The following CCDC33 variants were observed in gnomAD, a reference collection of about 807,000 sequenced individuals.
The protein encoded by CCDC33 is coiled-coil domain-containing protein 33.
A neutral mutation model predicts 91.9 loss-of-function variants in CCDC33; 94 were observed. That is an observed-to-expected ratio of 1.02 (90% confidence interval 0.87 to 1.21). CCDC33 has a LOEUF of 1.21. Ranked by LOEUF, CCDC33 falls within the 50% of genes most tolerant of loss-of-function variation. CCDC33 has a pLI of 0.00. For missense variants in CCDC33, 940 were observed against 935.5 expected (o/e 1.00, Z -0.06); for synonymous variants, 396 against 374.5 (o/e 1.06, Z -0.66).
intron 11 of CCDC33, among the ~76,000 whole-genome samples, chr15:74,320,604 G>A (rs1265009769): frequency 6.6e-6 from 1 of 152,146 alleles, no homozygotes; most frequent in Non-Finnish European, 1.5e-5. Context: ...ATGGGGTTTG[G>A]GAAGCTGGGG....
At chr15:74,203,835 A>G (rs1595866807) in intron 1 of CCDC33, among the ~76,000 whole-genome samples, 3 of 152,202 alleles carry the variant, frequency 2.0e-5, no homozygotes, top group Admixed American at 2.0e-4. Flanking sequence ...TTCCTGAAGA[A>G]AAGAACCTTT....
Position 74,336,087 on chromosome 15 carries a change from G to A in CCDC33, c.*34G>A, listed in dbSNP as rs2060562201. The A allele has an allele frequency of 1.2e-6, 2 of 1,607,038 alleles. No individual in the cohort carries two copies. Among genetic ancestry groups the A allele is most frequent in the Non-Finnish European group, 1.7e-6 (2 of 1,176,572 alleles). On this transcript the variant is annotated 3_prime_UTR_variant, in exon 19 of 19. Transcript: ENST00000398814. ...GCAGGCCTCCTTCCCTGTGTGCTGG[G>A]GAGTCTCATCACCGCCCCCTAAAAA...
exon 2 of CCDC33, chr15:74,209,392 C>T (rs765756437): frequency 6.5e-7 from 1 of 1,535,634 alleles, no homozygotes; most frequent in South Asian, 1.2e-5. Context: ...TCCCAGGGGG[C>T]CACTGCCTGA....
intron 2 of CCDC33, among the ~76,000 whole-genome samples, chr15:74,245,690 G>A (rs558367554): frequency 9.9e-5 from 15 of 152,080 alleles, no homozygotes; most frequent in African/African-American, 3.4e-4. Context: ...GTGGGGGTTC[G>A]GAGAGCCGGG....
chr15:74,320,098 C>G (rs1376945865), intron 11 of CCDC33, among the ~76,000 whole-genome samples: 2 of 152,106 alleles, frequency 1.3e-5, no homozygotes, highest in Admixed American at 1.3e-4. Context: ...AGATGACATT[C>G]GAGGGGAACC....
Position 74,320,113 on chromosome 15 carries a change from G to A in CCDC33, c.1291-10076G>A, listed in dbSNP as rs182826223. ...AGATGACATTCGAGGGGAACCAGGA[G>A]CAGAGACCTGGGGTGAGCAGGGCCC... On this transcript the variant is annotated intron_variant, in intron 11 of 18. Transcript: ENST00000398814. Among the ~76,000 whole-genome samples, 11 of 152,294 alleles carry A rather than the reference G, an allele frequency of 7.2e-5. No individual in the cohort carries two copies. The East Asian group carries it at 1.9e-3, about 27-fold the overall frequency.
At chr15:74,330,820 T>G (rs2060417078) in intron 13 of CCDC33, 69 bp downstream of exon 13, 1 of 1,533,466 alleles carries the variant, frequency 6.5e-7, no homozygotes, top group African/African-American at 1.4e-5. Flanking sequence ...GAGAAGAGTC[T>G]GGGAGGAGAA....
At chr15:74,224,201 C>T (rs554555032) in intron 2 of CCDC33, among the ~76,000 whole-genome samples, 1 of 152,214 alleles carries the variant, frequency 6.6e-6, no homozygotes, top group Admixed American at 6.5e-5. Flanking sequence ...GGGGCACTTC[C>T]AGCCCCCACT....
intron 2 of CCDC33, among the ~76,000 whole-genome samples, chr15:74,222,076 T>A (rs2074613865): frequency 6.6e-6 from 1 of 152,046 alleles, no homozygotes; most frequent in Non-Finnish European, 1.5e-5. Context: ...CGGCTGGACA[T>A]TTTTAGGGGA....
In CCDC33 at chr15:74,332,803, C is replaced by T. The variant is rs1231137190; in HGVS notation, c.1896C>T (p.Arg632=). Residue 632 remains arginine (R), a synonymous_variant, in exon 16 of 19, where the codon CGC becomes CGT. Coordinates refer to ENST00000398814, the MANE Select transcript of CCDC33 (RefSeq NM_025055.5). ...TGCGGACGGAGCTGGATAAGAACCG[C>T]CACCAGCAGGCCCCCATCATTCTGC... ...AKLRTELDKN[R]HQQAPIILQQ... The T allele has an allele frequency of 3.7e-6, 6 of 1,614,182 alleles. No homozygotes were observed. The highest frequency in any genetic ancestry group is 4.2e-6 in the Non-Finnish European group (5 of 1,180,016).
intron 2 of CCDC33, among the ~76,000 whole-genome samples, chr15:74,262,122 C>T (rs1022472778): frequency 1.3e-5 from 2 of 152,164 alleles, no homozygotes; most frequent in African/African-American, 2.4e-5. Flanking sequence ...GAGAGCCCTC[C>T]CTGGCAAGGG....
At chr15:74,210,251 A>T (rs1304221948) in intron 2 of CCDC33, among the ~76,000 whole-genome samples, 5 of 152,242 alleles carry the variant, frequency 3.3e-5, no homozygotes, top group Non-Finnish European at 7.3e-5. Flanking sequence ...AAAATTCCCA[A>T]GGCCGTTTGT....
At chr15:74,336,465 T>C, downstream of CCDC33, 2 of 1,258,032 alleles carry the variant, frequency 1.6e-6, no homozygotes, top group Non-Finnish European at 1.0e-6. Flanking sequence ...TGATATTCCT[T>C]CTTTCAAGTT....
intron 11 of CCDC33, among the ~76,000 whole-genome samples, chr15:74,321,046 C>T (rs1034311779): frequency 1.1e-4 from 16 of 152,036 alleles, no homozygotes; most frequent in Admixed American, 6.6e-5. Flanking sequence ...GCCCCAACCC[C>T]TGGGAAAACA....
intron 10 of CCDC33, among the ~76,000 whole-genome samples, chr15:74,290,990 G>C (rs995695318): frequency 6.6e-6 from 1 of 152,210 alleles, no homozygotes; most frequent in African/African-American, 2.4e-5. Context: ...ATCCCCAACA[G>C]AATTTTTAAA....
upstream of CCDC33, among the ~76,000 whole-genome samples, chr15:74,235,448 C>G (rs1181382562): frequency 6.6e-6 from 1 of 152,194 alleles, no homozygotes; most frequent in African/African-American, 2.4e-5. Context: ...GAATCTCCAA[C>G]TTGGGGCCCA....
At chr15:74,243,691 T>TCA (rs773127194) in intron 1 of CCDC33, 24 of 480,318 alleles carry the variant, frequency 5.0e-5, no homozygotes, top group Non-Finnish European at 4.1e-6. Context: ...GTGCAGTAAC[T>TCA]CATGCCTATA....
intron 10 of CCDC33, among the ~76,000 whole-genome samples, chr15:74,287,259 C>G (rs994194414): frequency 4.6e-5 from 7 of 152,288 alleles, no homozygotes; most frequent in African/African-American, 7.2e-5. Flanking sequence ...GTTCCCACCC[C>G]CAAGACTCCA....
upstream of CCDC33, among the ~76,000 whole-genome samples, chr15:74,232,360 G>C (rs948434532): frequency 3.9e-5 from 6 of 152,212 alleles, no homozygotes; most frequent in African/African-American, 1.4e-4. Context: ...GGAGACTACA[G>C]CGCCTTGGGG....
Sources: gnomAD v4.1 joint callset for allele counts (sites outside exome capture counted in the v4.1 genomes callset) on GRCh38, gnomAD v4.1.1 for gene constraint, MANE v1.5 for transcripts, NCBI Gene and HGNC (gene_info 2026-07-23, HGNC 2026-07-21) for gene names.